MTMR1: variants seen among roughly 807,000 people sequenced by gnomAD.
MTMR1 encodes the protein phosphatidylinositol-3-phosphate phosphatase MTMR1.
MTMR1 carries 17 observed loss-of-function variants against 51.6 expected under a neutral mutation model. That is an observed-to-expected ratio of 0.33 (90% CI 0.23 to 0.49). The LOEUF is 0.49. Ranked by LOEUF, MTMR1 falls within the 20% of genes least tolerant of loss-of-function variation. The probability of loss-of-function intolerance (pLI) is 0.99; values close to 1 mark genes in which losing one functional copy is unlikely to be tolerated. For synonymous variants in MTMR1, 201 were observed against 205.6 expected (o/e 0.98, Z 0.19); for missense variants, 386 against 526.9 (o/e 0.73, Z 2.62).
chrX:150,734,560 A>G (rs1274586579), intron 10 of MTMR1, among the ~76,000 whole-genome samples: 2 of 112,477 alleles, frequency 1.8e-5, no homozygotes, highest in Non-Finnish European at 3.8e-5. Context: ...GAGAAAAGCC[A>G]TATTGGTGGA....
At position 150,718,609 on chromosome X, in the gene MTMR1, T is replaced by TCCAGGC; in HGVS notation, c.277-16_277-15insCCAGGC. ...CTTTTTTTTTTTTTTTTTTTTTTTT[T>TCCAGGC]TTTTTTTTTTGCCAGGCTCTAAGGG... is the stretch of plus-strand genomic sequence containing the variant. On this transcript the variant is annotated splice_polypyrimidine_tract_variant and intron_variant, in intron 3 of 15. Coordinates refer to ENST00000445323, the MANE Select transcript of MTMR1 (RefSeq NM_001306144.3). The TCCAGGC allele has an allele frequency of 3.0e-5, 20 of 660,371 alleles. No individual in the cohort carries two copies. Among genetic ancestry groups the TCCAGGC allele is most frequent in the East Asian group, 5.2e-5 (1 of 19,173 alleles). The allele number at this position is 660,371 out of a possible 1,213,427, so 54.4% of individuals were successfully genotyped here. A position where few individuals can be genotyped will look rare whatever the true frequency, so the allele number is the denominator to read the frequency against.
At chrX:150,734,361 A>C (rs1336991006) in intron 10 of MTMR1, among the ~76,000 whole-genome samples, 1 of 112,975 alleles carries the variant, frequency 8.9e-6, no homozygotes, top group Admixed American at 9.3e-5. Context: ...TCTTCAAATA[A>C]GGTCACATTC....
chrX:150,726,689 C>T (rs2041949992), intron 4 of MTMR1, among the ~76,000 whole-genome samples: 2 of 111,939 alleles, frequency 1.8e-5, no homozygotes, highest in Non-Finnish European at 3.8e-5. Flanking sequence ...ATATGTCACG[C>T]ACTTAATAGA....
Position 150,727,307 on chromosome X carries a change from AG to A in MTMR1, c.447+1del. The A allele has an allele frequency of 8.4e-7, 1 of 1,194,517 alleles. No individual in the cohort carries two copies. The highest frequency in any genetic ancestry group is 1.1e-6 in the Non-Finnish European group (1 of 881,787). On this transcript the variant is annotated frameshift_variant and splice_region_variant, in exon 5 of 16. Coordinates refer to ENST00000445323, the MANE Select transcript of MTMR1 (RefSeq NM_001306144.3). LOFTEE classifies it high-confidence loss of function. The part of the protein sequence containing the change: ...DFKLYFKNVE[R>X]DPHFILDVPL... Reference sequence around the variant, plus strand: ...TAAGCTGTACTTCAAAAATGTCGAGAGGGTGAGTTTTTTAAAGTGTGTTTTA... The same window carrying A: ...TAAGCTGTACTTCAAAAATGTCGAGAGGTGAGTTTTTTAAAGTGTGTTTTA...
At chrX:150,727,111 C>A in intron 4 of MTMR1, 104 bp from the exon 5 acceptor site, 1 of 484,933 alleles carries the variant, frequency 2.1e-6, no homozygotes, top group Non-Finnish European at 3.4e-6. Flanking sequence ...ATACAAAATT[C>A]CTGGAAAACT....
At chrX:150,750,638 C>T in intron 13 of MTMR1, 92 bp from the exon 14 acceptor site, 1 of 548,448 alleles carries the variant, frequency 1.8e-6, no homozygotes, top group Admixed American at 3.4e-5. Flanking sequence ...GACTATATTC[C>T]AAGTTGTAGT....
intron 7 of MTMR1, 78 bp downstream of exon 7, chrX:150,730,288 C>A: frequency 1.3e-6 from 1 of 752,600 alleles, no homozygotes; most frequent in Non-Finnish European, 1.9e-6. Context: ...TTCCTTTTTC[C>A]AGAGGTTTTT....
intron 15 of MTMR1, among the ~76,000 whole-genome samples, chrX:150,760,211 G>A (rs887504650): frequency 7.4e-5 from 8 of 108,225 alleles, no homozygotes; most frequent in Non-Finnish European, 1.6e-4. Flanking sequence ...GGGAATGGGG[G>A]TGGGGGAGTG....
intron 3 of MTMR1, among the ~76,000 whole-genome samples, chrX:150,713,223 G>C (rs1470525057): frequency 9.0e-6 from 1 of 111,629 alleles, no homozygotes; most frequent in African/African-American, 3.3e-5. Flanking sequence ...TTAAATATTA[G>C]TGCTTGGCTT....
chrX:150,701,055 C>T (rs1162557408), intron 2 of MTMR1, among the ~76,000 whole-genome samples: 1 of 112,163 alleles, frequency 8.9e-6, no homozygotes, highest in East Asian at 2.8e-4. Flanking sequence ...TTTTAAGTTC[C>T]TACATCAGAT....
intron 1 of MTMR1, among the ~76,000 whole-genome samples, chrX:150,695,410 T>G (rs1370590276): frequency 8.9e-6 from 1 of 111,860 alleles, no homozygotes; most frequent in African/African-American, 3.3e-5. Flanking sequence ...GAGGCTATTG[T>G]AGTAAGCCAA....
chrX:150,712,701 TC>T, intron 3 of MTMR1: 1 of 231,482 alleles, frequency 4.3e-6, no homozygotes, highest in African/African-American at 2.9e-5. Flanking sequence ...TCTCTTTTAA[TC>T]TTGTTTATTG....
intron 1 of MTMR1, 139 bp downstream of exon 1, chrX:150,693,815 GCCCTCCTC>G: frequency 2.9e-6 from 1 of 350,276 alleles, no homozygotes; most frequent in Non-Finnish European, 3.7e-6. Flanking sequence ...TCCCCTCTGG[GCCCTCCTC>G]CCCCCCACCC....
chrX:150,708,868 T>G (rs1478077441), intron 2 of MTMR1, among the ~76,000 whole-genome samples: 2 of 111,555 alleles, frequency 1.8e-5, no homozygotes, highest in Non-Finnish European at 3.8e-5. Flanking sequence ...CCAAGGTGGG[T>G]GTGTGGTTCG....
intron 15 of MTMR1, among the ~76,000 whole-genome samples, chrX:150,758,532 G>A (rs781845070): frequency 1.8e-3 from 199 of 111,742 alleles, no homozygotes; most frequent in Non-Finnish European, 3.1e-3. Context: ...AGTAACTTAC[G>A]CCTGTAATCC....
chrX:150,753,978 G>A (rs982320605), intron 14 of MTMR1, among the ~76,000 whole-genome samples: 4 of 112,637 alleles, frequency 3.6e-5, no homozygotes, highest in African/African-American at 1.3e-4. Flanking sequence ...TCTGTGATCT[G>A]TTCTGAGGTA....
chrX:150,714,568 A>G, intron 3 of MTMR1: 1 of 938,179 alleles, frequency 1.1e-6, no homozygotes, highest in Non-Finnish European at 1.4e-6. Flanking sequence ...GTAGCTACAG[A>G]TCGTGTATTT....
At chrX:150,712,454 C>T in intron 3 of MTMR1, 89 bp downstream of exon 3, 4 of 881,208 alleles carry the variant, frequency 4.5e-6, no homozygotes, top group Non-Finnish European at 6.4e-6. Flanking sequence ...TGTTCTTTAC[C>T]TTCTCACTGG....
intron 15 of MTMR1, among the ~76,000 whole-genome samples, chrX:150,758,518 G>T (rs1195945818): frequency 1.8e-5 from 2 of 111,953 alleles, no homozygotes; most frequent in Non-Finnish European, 3.8e-5. Flanking sequence ...TTCTGGCCGG[G>T]CACAGTAACT....
Sources: gnomAD v4.1 joint callset for allele counts (sites outside exome capture counted in the v4.1 genomes callset) on GRCh38, gnomAD v4.1.1 for gene constraint, MANE v1.5 for transcripts, NCBI Gene and HGNC (gene_info 2026-07-23, HGNC 2026-07-21) for gene names.